The following DHRS3 variants were observed in gnomAD, a reference collection of about 807,000 sequenced individuals.
The protein encoded by DHRS3 is short-chain dehydrogenase/reductase 3.
DHRS3 carries 14 observed loss-of-function variants against 27.2 expected under a neutral mutation model. The ratio of observed to expected loss-of-function variants is 0.52; its 90% CI spans 0.34 to 0.81. The LOEUF is 0.81. Ranked by LOEUF, DHRS3 falls within the 30% of genes least tolerant of loss-of-function variation. DHRS3 has a pLI of 0.01. For synonymous variants in DHRS3, 165 were observed against 175.9 expected (o/e 0.94, Z 0.49); for missense variants, 322 against 406.2 (o/e 0.79, Z 1.78).
chr1:12,576,157 AT>A (rs776180417), intron 4 of DHRS3, among the ~76,000 whole-genome samples: 2 of 152,154 alleles, frequency 1.3e-5, no homozygotes, highest in Non-Finnish European at 2.9e-5. Flanking sequence ...AAAACCTTGA[AT>A]TTCCTTCTTA....
intron 1 of DHRS3, among the ~76,000 whole-genome samples, chr1:12,610,831 G>A (rs972003044): frequency 9.9e-5 from 15 of 152,188 alleles, no homozygotes; most frequent in African/African-American, 3.6e-4. Context: ...TGTGTCTCCT[G>A]AAGACAACGG....
Position 12,594,974 on chromosome 1 carries a change from G to A in DHRS3, c.196-14308C>T, listed in dbSNP as rs1455733163. Among the ~76,000 whole-genome samples, 1 of 152,158 alleles carries A rather than the reference G, an allele frequency of 6.6e-6. No homozygotes were observed. ...GAGAAAATGGAAGAATGAGGTTGCC[G>A]TTCCCTGAGCCCCAGCGCCTCCCTC... On this transcript the variant is annotated intron_variant, in intron 1 of 5. Coordinates refer to ENST00000616661, the MANE Select transcript of DHRS3 (RefSeq NM_004753.7). The surrounding 1 kb of genome is among the most constrained non-coding windows in gnomAD (Gnocchi z 4.1).
At position 12,568,218 on chromosome 1, in the gene DHRS3, TG is replaced by T. The variant is rs996322117; in HGVS notation, c.*121del. The T allele has an allele frequency of 4.8e-5, 46 of 949,920 alleles. No individual in the cohort carries two copies. In the African/African-American group the frequency reaches 6.7e-4, roughly 14 times the overall value. The allele number at this position is 949,920 out of a possible 1,614,324, so 58.8% of individuals were successfully genotyped here. On this transcript the variant is annotated 3_prime_UTR_variant, in exon 6 of 6. Transcript: ENST00000616661. The stretch of plus-strand genomic sequence containing the variant: ...GCCCAGGGGCAGCCGGATTCTTCGC[TG>T]GGGACAGGAGCTGTCCTGCTCACCC...
At chr1:12,577,551 G>A (rs565246928) in intron 4 of DHRS3, among the ~76,000 whole-genome samples, 12 of 152,306 alleles carry the variant, frequency 7.9e-5, no homozygotes, top group East Asian at 7.7e-4. Flanking sequence ...ACGGCCAGGC[G>A]TGGTGGCTCA....
chr1:12,592,336 G>A lies in DHRS3; in HGVS notation c.196-11670C>T, dbSNP rs1435414175. On this transcript the variant is annotated intron_variant, in intron 1 of 5. Transcript: ENST00000616661. The surrounding 1 kb of genome is among the most constrained non-coding windows in gnomAD (Gnocchi z 4.2). ...ATGCTGAAAGAGGGTCTTTGGAATTGAGTAGCTGTAATTGAGTTGGGGATC... is the reference window on the plus strand; with the variant it reads ...ATGCTGAAAGAGGGTCTTTGGAATTAAGTAGCTGTAATTGAGTTGGGGATC... Among the ~76,000 whole-genome samples the A allele has an allele frequency of 6.6e-6, 1 of 152,204 alleles. No individual in the cohort carries two copies. Among genetic ancestry groups the A allele is most frequent in the South Asian group, 2.1e-4 (1 of 4,832 alleles).
At chr1:12,614,561 G>C (rs1646931595) in intron 1 of DHRS3, among the ~76,000 whole-genome samples, 1 of 151,272 alleles carries the variant, frequency 6.6e-6, no homozygotes. Flanking sequence ...GCACCCTAAG[G>C]CTCACCACCA....
chr1:12,583,271 C>T (rs1646661005), intron 1 of DHRS3, among the ~76,000 whole-genome samples: 1 of 149,416 alleles, frequency 6.7e-6, no homozygotes, highest in Non-Finnish European at 1.5e-5. Flanking sequence ...ATCTACCCAT[C>T]CCCTCACTTA....
At chr1:12,610,304 C>T (rs1222399684) in intron 1 of DHRS3, among the ~76,000 whole-genome samples, 2 of 150,954 alleles carry the variant, frequency 1.3e-5, no homozygotes, top group Non-Finnish European at 2.9e-5. Flanking sequence ...TTGGGTCAAG[C>T]TGGTCTTGAA....
chr1:12,598,902 C>G (rs1000847913), intron 1 of DHRS3, among the ~76,000 whole-genome samples: 2 of 152,318 alleles, frequency 1.3e-5, no homozygotes, highest in African/African-American at 4.8e-5. Flanking sequence ...GAATTCAGCT[C>G]TTGTTTTGGA....
chr1:12,589,535 T>C (rs978553713), intron 1 of DHRS3, among the ~76,000 whole-genome samples: 4 of 151,952 alleles, frequency 2.6e-5, no homozygotes, highest in Admixed American at 2.0e-4. Context: ...ATCACAGGTG[T>C]GCACCACCAC....
In DHRS3 at chr1:12,617,162, C is replaced by A. The variant is rs759786161; in HGVS notation, c.187G>T (p.Ala63Ser). Residue 63 changes from alanine to serine, a missense_variant, in exon 1 of 6, where the codon GCC (alanine) becomes TCC (serine). Transcript: ENST00000616661. ...QLAREFAERG[A>S]RKIVLWGRTE... ...GTCGCAGTGCCTGGTACCTTTCTGG[C>A]GCCGCGCTCCGCGAACTCGCGGGCG... 1.2e-6 allele frequency: 2 copies of A among 1,611,246 alleles called. No homozygotes were observed. Among genetic ancestry groups the A allele is most frequent in the East Asian group, 4.5e-5 (2 of 44,838 alleles).
At chr1:12,584,442 C>T (rs775212504) in intron 1 of DHRS3, among the ~76,000 whole-genome samples, 8 of 152,008 alleles carry the variant, frequency 5.3e-5, no homozygotes, top group Non-Finnish European at 1.0e-4. Flanking sequence ...CCGGCCTCAC[C>T]TCTCCCTGGC....
At chr1:12,576,285 G>A (rs975858019) in intron 4 of DHRS3, among the ~76,000 whole-genome samples, 12 of 151,920 alleles carry the variant, frequency 7.9e-5, no homozygotes, top group African/African-American at 2.9e-4. Context: ...ACTGCCGGCT[G>A]GGCGTGGTGG....
chr1:12,611,357 T>C (rs1054205190), intron 1 of DHRS3, among the ~76,000 whole-genome samples: 1 of 152,234 alleles, frequency 6.6e-6, no homozygotes, highest in Non-Finnish European at 1.5e-5. Flanking sequence ...CAGGAAATTT[T>C]GTTTGACATG....
chr1:12,574,454 C>T lies in DHRS3; in HGVS notation c.699-1601G>A, dbSNP rs1646568241. Among the ~76,000 whole-genome samples the T allele has an allele frequency of 6.6e-6, 1 of 152,168 alleles. No individual in the cohort carries two copies. Among genetic ancestry groups the T allele is most frequent in the Admixed American group, 6.6e-5 (1 of 15,266 alleles). On this transcript the variant is annotated intron_variant, in intron 4 of 5. Transcript: ENST00000616661. This position sits in a 1 kb window ranked among gnomAD's most constrained non-coding sequence, Gnocchi z 4.6. ...AGCACTGGGATTACTGGTGTGAACC[C>T]AGCTACCACGCCTGGCCATGATGGT...
chr1:12,612,040 C>T (rs1055362411), intron 1 of DHRS3, among the ~76,000 whole-genome samples: 3 of 152,150 alleles, frequency 2.0e-5, no homozygotes, highest in Non-Finnish European at 2.9e-5. Flanking sequence ...CTTTGTTCCC[C>T]CAAGGGAAGG....
At chr1:12,605,081 A>AG (rs1341633824) in intron 1 of DHRS3, among the ~76,000 whole-genome samples, 3 of 150,914 alleles carry the variant, frequency 2.0e-5, no homozygotes, top group Non-Finnish European at 4.4e-5. Flanking sequence ...TCCATCTCAA[A>AG]AAAAAAAAAA....
At chr1:12,582,571 G>A (rs1171483624) in intron 1 of DHRS3, among the ~76,000 whole-genome samples, 5 of 152,142 alleles carry the variant, frequency 3.3e-5, no homozygotes, top group Admixed American at 1.3e-4. Context: ...GTTCCTCCAG[G>A]AGAAGCTGGG....
Position 12,592,638 on chromosome 1 carries a change from G to A in DHRS3, c.196-11972C>T, listed in dbSNP as rs76261116. Among the ~76,000 whole-genome samples, 652 of 152,260 alleles carry A rather than the reference G, an allele frequency of 4.3e-3. 6 individuals are homozygous for A. Among genetic ancestry groups the A allele is most frequent in the African/African-American group, 0.015 (630 of 41,548 alleles). ...ACTTCTGGTACCCAGAAATGTGAGAGCAGCTTTGGTGTTTTGGGCCACACA... is the reference window on the plus strand; with the variant it reads ...ACTTCTGGTACCCAGAAATGTGAGAACAGCTTTGGTGTTTTGGGCCACACA... On this transcript the variant is annotated intron_variant, in intron 1 of 5. Coordinates refer to ENST00000616661, the MANE Select transcript of DHRS3 (RefSeq NM_004753.7). This position sits in a 1 kb window ranked among gnomAD's most constrained non-coding sequence, Gnocchi z 4.2.
Sources: allele counts gnomAD v4.1 joint callset (sites outside exome capture counted in the v4.1 genomes callset), GRCh38; gene constraint gnomAD v4.1.1; non-coding constraint Gnocchi (gnomAD v3.1); transcripts MANE v1.5; gene names NCBI Gene and HGNC (gene_info 2026-07-23, HGNC 2026-07-21).